GRIN2B: variants seen among roughly 807,000 people sequenced by gnomAD.
The protein encoded by GRIN2B is glutamate receptor ionotropic, NMDA 2B.
A neutral mutation model predicts 114.5 loss-of-function variants in GRIN2B; 5 were observed. The ratio of observed to expected loss-of-function variants is 0.04; its 90% CI spans 0.02 to 0.09. The LOEUF (loss-of-function observed/expected upper bound fraction) is 0.09, where lower values mean the gene tolerates loss of function less well. GRIN2B is among the 10% of genes least tolerant of loss of function. The pLI is 1.00. For synonymous variants in GRIN2B, 787 were observed against 745.1 expected (o/e 1.06, Z -0.92); for missense variants, 1,108 against 1,943.5 (o/e 0.57, Z 8.08).
Position 13,571,983 on chromosome 12 carries a change from A to T in GRIN2B, c.2011-19T>A, listed in dbSNP as rs1293211273. 1 of 1,600,788 alleles carries T rather than the reference A, an allele frequency of 6.2e-7. No homozygotes were observed. Among genetic ancestry groups the T allele is most frequent in the East Asian group, 2.2e-5 (1 of 44,796 alleles). ...TCTGGAACTGGAGAGAGAAAGACAGATAGAGACAGAGCGGGAGATGGAGGG... is the reference window on the plus strand; with the variant it reads ...TCTGGAACTGGAGAGAGAAAGACAGTTAGAGACAGAGCGGGAGATGGAGGG... On this transcript the variant is annotated intron_variant, in intron 10 of 13. Transcript: ENST00000609686.
At chr12:13,777,728 AT>A (rs1248513015) in intron 3 of GRIN2B, among the ~76,000 whole-genome samples, 2 of 152,176 alleles carry the variant, frequency 1.3e-5, no homozygotes, top group Admixed American at 6.5e-5. Flanking sequence ...GAACACTGAT[AT>A]TCAGAATAGA....
chr12:13,657,494 A>G (rs1471057725), intron 5 of GRIN2B, among the ~76,000 whole-genome samples: 1 of 152,222 alleles, frequency 6.6e-6, no homozygotes, highest in Non-Finnish European at 1.5e-5. Context: ...CGATATGGGA[A>G]GAGCCAACAC....
chr12:13,797,596 G>A (rs1015350614), intron 3 of GRIN2B, among the ~76,000 whole-genome samples: 2 of 152,128 alleles, frequency 1.3e-5, no homozygotes, highest in Non-Finnish European at 2.9e-5. Flanking sequence ...AAATAGGTAG[G>A]AAACTACATA....
At chr12:13,960,491 T>C (rs549450564) in intron 2 of GRIN2B, among the ~76,000 whole-genome samples, 2 of 152,168 alleles carry the variant, frequency 1.3e-5, no homozygotes, top group African/African-American at 2.4e-5. Flanking sequence ...AGGATTCATA[T>C]GCAAAAGCAC....
rs377460231 is a variant in GRIN2B, at chr12:13,869,241, C to CTTTTTTTTTTTT, written c.-18-3027_-18-3016dup. Among the ~76,000 whole-genome samples, 39 of 127,364 alleles carry CTTTTTTTTTTTT rather than the reference C, an allele frequency of 3.1e-4. 1 individual carries two copies. Among genetic ancestry groups the CTTTTTTTTTTTT allele is most frequent in the South Asian group, 5.2e-4 (2 of 3,882 alleles). 83.6% of individuals were successfully genotyped at this position (127,364 alleles called of 152,430 possible). A position where few individuals can be genotyped will look rare whatever the true frequency, so the allele number is the denominator to read the frequency against. ...AACTTTTTTCTTTTTCTTTTTTTTT[C>CTTTTTTTTTTTT]TTTTTTTTTTTTTTTTTGGTGGGGA... On this transcript the variant is annotated intron_variant, in intron 2 of 13. Transcript: ENST00000609686.
chr12:13,611,604 T>C, intron 9 of GRIN2B, 121 bp downstream of exon 9: 3 of 986,904 alleles, frequency 3.0e-6, no homozygotes, highest in Admixed American at 3.4e-5. Flanking sequence ...AATGTTCACC[T>C]GAGGGTTCCT....
chr12:13,792,348 C>A (rs1864336059), intron 3 of GRIN2B, among the ~76,000 whole-genome samples: 1 of 152,240 alleles, frequency 6.6e-6, no homozygotes, highest in Non-Finnish European at 1.5e-5. Flanking sequence ...GAGCTATAGT[C>A]ATAGGATGAG....
At chr12:13,620,680 A>AAAAT (rs1949501371) in intron 5 of GRIN2B, among the ~76,000 whole-genome samples, 1 of 152,162 alleles carries the variant, frequency 6.6e-6, no homozygotes, top group Non-Finnish European at 1.5e-5. Flanking sequence ...TGCATCTGTA[A>AAAAT]AAATAGGTGT....
intron 5 of GRIN2B, among the ~76,000 whole-genome samples, chr12:13,661,187 A>AT (rs1949919283): frequency 6.6e-6 from 1 of 152,214 alleles, no homozygotes; most frequent in Admixed American, 6.5e-5. Flanking sequence ...GATCACTCCA[A>AT]TTCTCTGTAA....
At chr12:13,689,536 C>A (rs781478222) in intron 4 of GRIN2B, among the ~76,000 whole-genome samples, 20 of 152,082 alleles carry the variant, frequency 1.3e-4, no homozygotes, top group Non-Finnish European at 2.5e-4. Flanking sequence ...TACCCTAGAC[C>A]AGGCATATAT....
intron 4 of GRIN2B, among the ~76,000 whole-genome samples, chr12:13,678,012 T>C (rs1950091994): frequency 6.6e-6 from 1 of 152,166 alleles, no homozygotes; most frequent in South Asian, 2.1e-4. Context: ...AACTTATGCA[T>C]ACCCTGAGAA....
chr12:13,977,909 C>G (rs1863056205), intron 2 of GRIN2B, among the ~76,000 whole-genome samples: 1 of 152,138 alleles, frequency 6.6e-6, no homozygotes, highest in Non-Finnish European at 1.5e-5. Flanking sequence ...ACTTTTTCCT[C>G]TCTTCCTCAA....
At position 13,753,454 on chromosome 12, in the gene GRIN2B, G is replaced by T; in HGVS notation, c.873C>A (p.Ala291=). 1 of 1,614,058 alleles carries T rather than the reference G, an allele frequency of 6.2e-7. No homozygotes were observed. The highest frequency in any genetic ancestry group is 8.5e-7 in the Non-Finnish European group (1 of 1,179,918). The change falls in exon 4 of 14, where the codon GCC becomes GCA. Residue 291 remains alanine (A), a synonymous_variant. Transcript: ENST00000609686. The surrounding 1 kb of genome is among the most constrained non-coding windows in gnomAD (Gnocchi z 6.2). ...SYDEWDYGLP[A]RVRDGIAIIT... is the part of the protein sequence containing the mutation. Reference sequence around the variant, plus strand: ...TTATGGCAATTCCATCTCTCACTCTGGCGGGGAGGCCATAGTCCCATTCAT... The same window carrying T: ...TTATGGCAATTCCATCTCTCACTCTTGCGGGGAGGCCATAGTCCCATTCAT...
intron 4 of GRIN2B, among the ~76,000 whole-genome samples, chr12:13,676,411 C>T (rs1020323130): frequency 6.6e-6 from 1 of 152,038 alleles, no homozygotes; most frequent in East Asian, 1.9e-4. Flanking sequence ...TGACTTTGAG[C>T]AAATTACTCA....
intron 3 of GRIN2B, among the ~76,000 whole-genome samples, chr12:13,846,934 G>GAGAGAA (rs1337120556): frequency 6.6e-6 from 1 of 152,136 alleles, no homozygotes; most frequent in African/African-American, 2.4e-5. Flanking sequence ...CCAGGAGCGA[G>GAGAGAA]AGAGAAAGAG....
At chr12:13,566,541 G>A (rs921503911) in intron 13 of GRIN2B, among the ~76,000 whole-genome samples, 1 of 152,126 alleles carries the variant, frequency 6.6e-6, no homozygotes, top group Admixed American at 6.5e-5. Flanking sequence ...ATTTCTAAAG[G>A]TTCTGTTAAG....
chr12:13,636,890 A>C (rs777614591), intron 5 of GRIN2B, among the ~76,000 whole-genome samples: 11 of 152,334 alleles, frequency 7.2e-5, no homozygotes, highest in Middle Eastern at 3.4e-3. Context: ...AAGATTAAAC[A>C]AGTTAATACT....
intron 3 of GRIN2B, among the ~76,000 whole-genome samples, chr12:13,792,347 T>G (rs1864336020): frequency 6.6e-6 from 1 of 152,188 alleles, no homozygotes; most frequent in Non-Finnish European, 1.5e-5. Flanking sequence ...AGAGCTATAG[T>G]CATAGGATGA....
At chr12:13,866,304 A>G (rs753296608) in intron 2 of GRIN2B, 78 bp from the exon 3 acceptor site, 24 of 1,246,038 alleles carry the variant, frequency 1.9e-5, no homozygotes, top group Non-Finnish European at 2.6e-5. Flanking sequence ...AGATACTGCA[A>G]TTCAAGGACC....
Sources: allele counts gnomAD v4.1 joint callset (sites outside exome capture counted in the v4.1 genomes callset), GRCh38; gene constraint gnomAD v4.1.1; non-coding constraint Gnocchi (gnomAD v3.1); transcripts MANE v1.5; gene names NCBI Gene and HGNC (gene_info 2026-07-23, HGNC 2026-07-21).